Variants in ADGRF5 observed in about 807,000 individuals in gnomAD.
ADGRF5 encodes the protein G-protein coupled receptor 116.
Under a neutral mutation model 132.3 loss-of-function variants are expected in ADGRF5, and 75 were observed. That is an observed-to-expected ratio of 0.57 (90% CI 0.47 to 0.69). The LOEUF is 0.69. Among genes scored for constraint, ADGRF5 ranks in the 30% least tolerant of loss-of-function variants. ADGRF5 has a pLI of 0.00. For missense variants in ADGRF5, 1,516 were observed against 1,630.6 expected, an observed-to-expected ratio of 0.93 and a Z score of 1.21; for synonymous variants, 629 against 597.6, an observed-to-expected ratio of 1.05 and a Z score of -0.77.
chr6:46,901,764 C>A (rs940247230), intron 2 of ADGRF5, among the ~76,000 whole-genome samples: 1 of 151,990 alleles, frequency 6.6e-6, no homozygotes, highest in Non-Finnish European at 1.5e-5. Flanking sequence ...TCTCTCTTTA[C>A]CCAGAGCCGT....
Position 46,863,076 on chromosome 6 carries a change from C to A in ADGRF5, c.2011G>T (p.Asp671Tyr). 1 of 1,613,664 alleles carries A rather than the reference C, an allele frequency of 6.2e-7. No homozygotes were observed. Among genetic ancestry groups the A allele is most frequent in the Non-Finnish European group, 8.5e-7 (1 of 1,179,710 alleles). Reference protein sequence around the residue: ...LVPGENITCQDPVIGVGEPGK... With the variant: ...LVPGENITCQYPVIGVGEPGK... ...GGCTCTCCGACACCTATTACGGGAT[C>A]CTGGCATGTGATGTTTTCCCCTGTG... The change falls in exon 15 of 21, where the codon GAT (aspartate) becomes TAT (tyrosine). Residue 671 changes from aspartate to tyrosine, a missense_variant. Asp to Tyr is a radical substitution (Grantham distance 160). Around this residue, in one of 2 missense-constraint regions of ADGRF5, gnomAD observed 945 missense variants for 929.4 expected, o/e 1.02. Coordinates refer to ENST00000283296, the MANE Select transcript of ADGRF5 (RefSeq NM_001098518.2).
intron 12 of ADGRF5, 95 bp downstream of exon 12, chr6:46,868,788 G>A: frequency 1.4e-6 from 1 of 738,226 alleles, no homozygotes; most frequent in South Asian, 1.7e-5. Context: ...GTTGGCATAG[G>A]CATGTCTCAA....
In ADGRF5 at chr6:46,883,655, C is replaced by T; in HGVS notation, c.516G>A (p.Leu172=). 6.4e-7 allele frequency: 1 copy of T among 1,573,418 alleles called. No individual in the cohort carries two copies. The highest frequency in any genetic ancestry group is 1.8e-5 in the Admixed American group (1 of 54,640). ...PFCLLQEDVT[L]NMRVRLNVGF... Reference sequence around the variant, plus strand: ...CTACATTTAGTCTGACTCTCATGTTCAGGGTAACATCTGTTGAAAAACACA... The same window carrying T: ...CTACATTTAGTCTGACTCTCATGTTTAGGGTAACATCTGTTGAAAAACACA... Residue 172 remains leucine (L), a synonymous_variant, in exon 6 of 21, where the codon CTG becomes CTA. Coordinates refer to ENST00000283296, the MANE Select transcript of ADGRF5 (RefSeq NM_001098518.2).
At chr6:46,918,297 C>A (rs1205861886) in intron 1 of ADGRF5, among the ~76,000 whole-genome samples, 2 of 152,224 alleles carry the variant, frequency 1.3e-5, no homozygotes, top group Admixed American at 1.3e-4. Context: ...AAATACTGAA[C>A]AGGCCCGGTA....
chr6:46,895,019 T>C (rs1293413867), intron 3 of ADGRF5, among the ~76,000 whole-genome samples: 3 of 151,858 alleles, frequency 2.0e-5, no homozygotes, highest in Non-Finnish European at 4.4e-5. Flanking sequence ...CTACTAAAAA[T>C]ACAAAAAATT....
At chr6:46,855,834 TC>T (rs1768971952) in intron 20 of ADGRF5, 139 bp downstream of exon 20, 2 of 634,450 alleles carry the variant, frequency 3.2e-6, no homozygotes, top group Non-Finnish European at 5.7e-6. Flanking sequence ...AAATGTAAGT[TC>T]CTCTATTTAA....
chr6:46,926,963 C>G (rs940002473), intron 1 of ADGRF5, among the ~76,000 whole-genome samples: 2 of 152,128 alleles, frequency 1.3e-5, no homozygotes, highest in African/African-American at 2.4e-5. Context: ...GGTGCGGGCA[C>G]TCTCCAATGG....
chr6:46,873,901 C>T (rs1771358736), intron 10 of ADGRF5, among the ~76,000 whole-genome samples: 1 of 152,222 alleles, frequency 6.6e-6, no homozygotes, highest in African/African-American at 2.4e-5. Flanking sequence ...TACCCCTACT[C>T]AGTTGTAAGA....
chr6:46,926,149 C>G (rs1422816727), upstream of ADGRF5, among the ~76,000 whole-genome samples: 1 of 152,196 alleles, frequency 6.6e-6, no homozygotes, highest in Non-Finnish European at 1.5e-5. Flanking sequence ...TGGAATTGGT[C>G]ATATCTGTGC....
intron 1 of ADGRF5, among the ~76,000 whole-genome samples, chr6:46,935,592 G>A (rs1582063049): frequency 6.6e-6 from 1 of 152,276 alleles, no homozygotes; most frequent in Non-Finnish European, 1.5e-5. Flanking sequence ...AGTGGAGAGA[G>A]AGCTCATATT....
At chr6:46,888,215 G>A (rs538240312) in intron 4 of ADGRF5, 120 bp downstream of exon 4, 61 of 691,474 alleles carry the variant, frequency 8.8e-5, no homozygotes, top group Middle Eastern at 8.5e-4. Flanking sequence ...TCACACATCC[G>A]TCTCGGTGAG....
Position 46,884,282 on chromosome 6 carries a change from T to G in ADGRF5, c.329-11A>C, listed in dbSNP as rs199780623. On this transcript the variant is annotated splice_polypyrimidine_tract_variant and intron_variant, in intron 4 of 20. Coordinates refer to ENST00000283296, the MANE Select transcript of ADGRF5 (RefSeq NM_001098518.2). ...CAGCAGGTCTGCAGACTATCGTTAA[T>G]CAGAACAGCAAGGAGAGAGAAGGTG... is the stretch of plus-strand genomic sequence containing the variant. 75 of 1,609,082 alleles carry G rather than the reference T, an allele frequency of 4.7e-5. No homozygotes were observed. The highest frequency in any genetic ancestry group is 6.0e-5 in the Non-Finnish European group (70 of 1,175,904).
chr6:46,877,295 C>T (rs1298942002), intron 10 of ADGRF5, among the ~76,000 whole-genome samples: 30 of 97,742 alleles, frequency 3.1e-4, no homozygotes, highest in African/African-American at 9.1e-4. Flanking sequence ...TTCTTTCTCT[C>T]TCTCTCTCTC....
Position 46,868,960 on chromosome 6 carries a change from C to A in ADGRF5, c.1544G>T (p.Arg515Ile). The A allele has an allele frequency of 6.2e-7, 1 of 1,612,864 alleles. No homozygotes were observed. ...AAGATACCTCCTCGTGGTATAAAAT[C>A]TTTGGTATATTTTAATTCCAGCAGA... Reference protein sequence around the residue: ...NTSAGIKIYQRFYTTRRYLDG... With the variant: ...NTSAGIKIYQIFYTTRRYLDG... Residue 515 changes from arginine (R) to isoleucine (I), a missense_variant, in exon 12 of 21, where the codon AGA (arginine) becomes ATA (isoleucine). Physicochemically the swap from Arg to Ile is moderately conservative, Grantham distance 97. Coordinates refer to ENST00000283296, the MANE Select transcript of ADGRF5 (RefSeq NM_001098518.2).
intron 1 of ADGRF5, among the ~76,000 whole-genome samples, chr6:46,941,410 AG>A (rs1463367242): frequency 2.6e-5 from 1 of 38,980 alleles, no homozygotes. Flanking sequence ...AGAAAAGAAA[AG>A]AAAAGAAAAG....
chr6:46,948,475 A>AGTGTGTGTGTGTGTGTGT (rs3030417), intron 1 of ADGRF5, among the ~76,000 whole-genome samples: 1 of 143,286 alleles, frequency 7.0e-6, no homozygotes, highest in Non-Finnish European at 1.5e-5. Flanking sequence ...TGCTCTAGTG[A>AGTGTGTGTGTGTGTGTGT]GTGTGTGTGT....
intron 3 of ADGRF5, among the ~76,000 whole-genome samples, chr6:46,888,737 G>C (rs1383351080): frequency 6.6e-6 from 1 of 152,212 alleles, no homozygotes; most frequent in African/African-American, 2.4e-5. Context: ...CGAGGCAAGA[G>C]CGGAAGCAGA....
At chr6:46,936,387 A>G (rs915253067) in intron 1 of ADGRF5, among the ~76,000 whole-genome samples, 1 of 152,194 alleles carries the variant, frequency 6.6e-6, no homozygotes, top group Non-Finnish European at 1.5e-5. Context: ...CTTTTCTTCC[A>G]GATCTGCCTG....
chr6:46,941,658 T>A (rs564141432), intron 1 of ADGRF5, among the ~76,000 whole-genome samples: 6 of 152,038 alleles, frequency 3.9e-5, no homozygotes, highest in African/African-American at 1.4e-4. Flanking sequence ...GGTTTTTTTT[T>A]TTTTACCATT....
Sources: allele counts gnomAD v4.1 joint callset (sites outside exome capture counted in the v4.1 genomes callset), GRCh38; gene constraint gnomAD v4.1.1; regional missense constraint gnomAD v4.1.1; transcripts MANE v1.5; gene names NCBI Gene and HGNC (gene_info 2026-07-23, HGNC 2026-07-21).